Variants in RAPGEF5 observed in about 807,000 individuals in gnomAD.
RAPGEF5 encodes M-Ras-regulated GEF.
Under a neutral mutation model 125.2 loss-of-function variants are expected in RAPGEF5, and 65 were observed. That is an observed-to-expected ratio of 0.52 (90% CI 0.43 to 0.64). The LOEUF is 0.64. RAPGEF5 is among the 30% of genes least tolerant of loss of function. The probability of loss-of-function intolerance (pLI) is 0.00; values close to 1 mark genes in which losing one functional copy is unlikely to be tolerated. For missense variants in RAPGEF5, 958 were observed against 1,048.1 expected, an observed-to-expected ratio of 0.91 and a Z score of 1.19; for synonymous variants, 391 against 385.9, an observed-to-expected ratio of 1.01 and a Z score of -0.16.
intron 11 of RAPGEF5, chr7:22,192,131 A>G (rs1366434536): frequency 6.5e-6 from 1 of 153,896 alleles, no homozygotes; most frequent in African/African-American, 2.4e-5. Flanking sequence ...TGCACAAAAT[A>G]TTAATCTACA....
intron 11 of RAPGEF5, among the ~76,000 whole-genome samples, chr7:22,179,181 CTA>C (rs1386595377): frequency 1.3e-5 from 2 of 152,068 alleles, no homozygotes; most frequent in Non-Finnish European, 2.9e-5. Flanking sequence ...AAAATCTACT[CTA>C]TAAGAGTAGA....
chr7:22,346,242 TC>T (rs1187225752), intron 1 of RAPGEF5, among the ~76,000 whole-genome samples: 1 of 152,182 alleles, frequency 6.6e-6, no homozygotes, highest in Non-Finnish European at 1.5e-5. Flanking sequence ...TTTGATTTAC[TC>T]CAGGTCATGC....
intron 18 of RAPGEF5, among the ~76,000 whole-genome samples, chr7:22,149,440 T>A (rs754186988): frequency 7.9e-5 from 12 of 152,212 alleles, no homozygotes; most frequent in Non-Finnish European, 1.3e-4. Context: ...CGCAATCTGC[T>A]AGAGCCCACT....
intron 23 of RAPGEF5, among the ~76,000 whole-genome samples, chr7:22,135,494 T>C (rs1783052223): frequency 6.6e-6 from 1 of 152,192 alleles, no homozygotes; most frequent in Non-Finnish European, 1.5e-5. Context: ...GAGTGGTCAG[T>C]GGAGTAACTT....
chr7:22,144,621 C>T (rs539497949), intron 20 of RAPGEF5, among the ~76,000 whole-genome samples: 11 of 152,278 alleles, frequency 7.2e-5, no homozygotes, highest in Non-Finnish European at 8.8e-5. Flanking sequence ...TTCTAATGAA[C>T]GAGTTCGCAA....
intron 7 of RAPGEF5, among the ~76,000 whole-genome samples, chr7:22,240,742 A>C (rs187476389): frequency 6.6e-5 from 10 of 152,240 alleles, no homozygotes; most frequent in Non-Finnish European, 1.2e-4. Flanking sequence ...TCAATCTGCT[A>C]TCATCACACA....
At chr7:22,155,913 T>G (rs1412553075) in intron 16 of RAPGEF5, among the ~76,000 whole-genome samples, 1 of 152,134 alleles carries the variant, frequency 6.6e-6, no homozygotes, top group African/African-American at 2.4e-5. Context: ...AACTACACGA[T>G]GAAACTTTAA....
At chr7:22,348,937 A>C (rs1784277872) in intron 1 of RAPGEF5, among the ~76,000 whole-genome samples, 1 of 151,444 alleles carries the variant, frequency 6.6e-6, no homozygotes, top group African/African-American at 2.4e-5. Context: ...AAATACAAAA[A>C]TTAGCCAGGT....
At chr7:22,348,297 C>A (rs1445034236) in intron 1 of RAPGEF5, among the ~76,000 whole-genome samples, 1 of 152,056 alleles carries the variant, frequency 6.6e-6, no homozygotes, top group East Asian at 1.9e-4. Context: ...GTAAACATAC[C>A]AAAATTTAAT....
At chr7:22,327,782 G>GC (rs1315924349) in intron 1 of RAPGEF5, among the ~76,000 whole-genome samples, 1 of 152,218 alleles carries the variant, frequency 6.6e-6, no homozygotes, top group African/African-American at 2.4e-5. Context: ...ACTTCAGCAT[G>GC]CATCAGACAT....
At chr7:22,326,585 G>A (rs955776659) in intron 1 of RAPGEF5, among the ~76,000 whole-genome samples, 1 of 152,172 alleles carries the variant, frequency 6.6e-6, no homozygotes, top group Non-Finnish European at 1.5e-5. Context: ...CCAGTTATTA[G>A]TAAGAACTCT....
At chr7:22,332,960 A>T (rs1783950199) in intron 1 of RAPGEF5, among the ~76,000 whole-genome samples, 2 of 152,160 alleles carry the variant, frequency 1.3e-5, no homozygotes, top group Admixed American at 1.3e-4. Flanking sequence ...TAAGGAGTAT[A>T]TTTTATATGG....
In RAPGEF5 at chr7:22,137,290, A is replaced by T. The variant is rs534904523; in HGVS notation, c.2278-307T>A. ...AACTTAGATTTCAGTTCCATACCCT[A>T]CCTTTGACAAATGCTCTCATCTTCT... On this transcript the variant is annotated intron_variant, in intron 21 of 25. Transcript: ENST00000665637. 2.0e-5 allele frequency among the ~76,000 whole-genome samples: 3 copies of T among 152,302 alleles called. 1 individual carries two copies. In the South Asian group the frequency reaches 6.2e-4, roughly 32 times the overall value.
intron 1 of RAPGEF5, chr7:22,356,031 T>C (rs1271781204): frequency 4.1e-6 from 4 of 985,318 alleles, no homozygotes; most frequent in African/African-American, 3.5e-5. Flanking sequence ...GTCAGCTCTG[T>C]GTCCTGAGGC....
intron 6 of RAPGEF5, among the ~76,000 whole-genome samples, chr7:22,276,449 A>G (rs1448254317): frequency 6.6e-6 from 1 of 152,218 alleles, no homozygotes; most frequent in Non-Finnish European, 1.5e-5. Flanking sequence ...CAACTGTGTA[A>G]CTACATCAAC....
At chr7:22,139,931 C>T (rs1393244968) in intron 21 of RAPGEF5, 94 bp downstream of exon 21, 3 of 1,127,164 alleles carry the variant, frequency 2.7e-6, no homozygotes, top group Non-Finnish European at 3.8e-6. Context: ...GACTTTCAAA[C>T]ATTTTTAGTT....
intron 16 of RAPGEF5, 28 bp downstream of exon 16, chr7:22,156,782 C>A (rs748537928): frequency 6.2e-7 from 1 of 1,613,006 alleles, no homozygotes; most frequent in Non-Finnish European, 8.5e-7. Flanking sequence ...CTGCCCACCC[C>A]CAAACCCTCA....
intron 1 of RAPGEF5, among the ~76,000 whole-genome samples, chr7:22,345,029 T>A (rs970387109): frequency 6.6e-6 from 1 of 152,190 alleles, no homozygotes; most frequent in Non-Finnish European, 1.5e-5. Flanking sequence ...AAAAGGCAGA[T>A]GATTGGGCCC....
chr7:22,260,457 C>T (rs1159027746), intron 7 of RAPGEF5, among the ~76,000 whole-genome samples: 1 of 143,620 alleles, frequency 7.0e-6, no homozygotes, highest in Non-Finnish European at 1.5e-5. Context: ...AAAATAAAGT[C>T]TATCAAAAAA....
Sources: gnomAD v4.1 joint callset for allele counts (sites outside exome capture counted in the v4.1 genomes callset) on GRCh38, gnomAD v4.1.1 for gene constraint, MANE v1.5 for transcripts, NCBI Gene and HGNC (gene_info 2026-07-23, HGNC 2026-07-21) for gene names.